NFIA: variants seen among roughly 807,000 people sequenced by gnomAD.
NFIA encodes the protein nuclear factor I A, also known as nuclear factor 1 A-type.
In NFIA, 8 loss-of-function variants were observed where a neutral mutation model predicts 62.8. The observed-to-expected ratio is 0.13, with a 90% confidence interval of 0.07 to 0.23. NFIA has a LOEUF of 0.23. NFIA is among the 10% of genes least tolerant of loss of function. The pLI is 1.00. For synonymous variants in NFIA, 235 were observed against 238.1 expected, an observed-to-expected ratio of 0.99 and a Z score of 0.12; for missense variants, 410 against 642.1, an observed-to-expected ratio of 0.64 and a Z score of 3.91.
intron 10 of NFIA, among the ~76,000 whole-genome samples, chr1:61,442,088 C>T (rs1406505589): frequency 1.3e-5 from 2 of 152,150 alleles, no homozygotes; most frequent in African/African-American, 4.8e-5. Flanking sequence ...CCCTCGCACC[C>T]CTTCCTGGCT....
At chr1:61,388,878 G>T (rs1427584110) in intron 7 of NFIA, among the ~76,000 whole-genome samples, 1 of 152,152 alleles carries the variant, frequency 6.6e-6, no homozygotes, top group Admixed American at 6.5e-5. Context: ...ACTTCAGGAG[G>T]CTGAGGCAGG....
intron 2 of NFIA, among the ~76,000 whole-genome samples, chr1:61,175,356 G>A (rs986764263): frequency 6.6e-6 from 1 of 152,080 alleles, no homozygotes; most frequent in African/African-American, 2.4e-5. Flanking sequence ...TGGCCAGGCT[G>A]AGCTCAAACT....
At chr1:61,412,332 A>C (rs1666139675) in intron 9 of NFIA, among the ~76,000 whole-genome samples, 1 of 152,200 alleles carries the variant, frequency 6.6e-6, no homozygotes, top group Non-Finnish European at 1.5e-5. Flanking sequence ...AACTAAAACA[A>C]GCAGGGTTGA....
In NFIA at chr1:61,363,536, G is replaced by T. The variant is rs139457642; in HGVS notation, c.946+4262G>T. Among the ~76,000 whole-genome samples the T allele has an allele frequency of 1.0e-3, 153 of 151,684 alleles. 2 individuals are homozygous for T. The East Asian group carries it at 0.026, about 26-fold the overall frequency. ...GGAGAATTGGTTGAACCTGGGAGGTGGAGGTTGCAGTGAACCGAGATCGTG... is the reference window on the plus strand; with the variant it reads ...GGAGAATTGGTTGAACCTGGGAGGTTGAGGTTGCAGTGAACCGAGATCGTG... On this transcript the variant is annotated intron_variant, in intron 6 of 10. Transcript: ENST00000403491.
chr1:61,192,416 A>G (rs1570351817), intron 2 of NFIA, among the ~76,000 whole-genome samples: 1 of 152,116 alleles, frequency 6.6e-6, no homozygotes, highest in South Asian at 2.1e-4. Flanking sequence ...ATGTCAAAAT[A>G]CCTTGCCAGG....
At chr1:61,314,288 C>T (rs1242800298) in intron 3 of NFIA, among the ~76,000 whole-genome samples, 1 of 152,154 alleles carries the variant, frequency 6.6e-6, no homozygotes, top group Non-Finnish European at 1.5e-5. Flanking sequence ...CCTCTGTTGG[C>T]CTGCCTCCCC....
chr1:61,131,119 G>A, intron 2 of NFIA, among the ~76,000 whole-genome samples: 1 of 150,104 alleles, frequency 6.7e-6, no homozygotes, highest in Admixed American at 6.6e-5. Flanking sequence ...AAATGTGCTT[G>A]ACTGTGGTAA....
chr1:61,204,666 C>T (rs138322679), intron 2 of NFIA, among the ~76,000 whole-genome samples: 50 of 151,916 alleles, frequency 3.3e-4, no homozygotes, highest in Non-Finnish European at 6.3e-4. Flanking sequence ...CACCTTCTGC[C>T]CCCCCCACCC....
intron 4 of NFIA, among the ~76,000 whole-genome samples, chr1:61,336,868 T>TA (rs1191704190): frequency 3.3e-5 from 5 of 152,216 alleles, no homozygotes; most frequent in Admixed American, 1.3e-4. Context: ...GGCTGAAAAT[T>TA]TCACAGTCAT....
intron 4 of NFIA, among the ~76,000 whole-genome samples, chr1:61,344,756 G>A (rs569987285): frequency 1.3e-5 from 2 of 152,214 alleles, no homozygotes; most frequent in East Asian, 3.8e-4. Flanking sequence ...TAGTCATTTC[G>A]TTAATGCTCC....
chr1:61,131,331 G>A (rs1198800808), intron 2 of NFIA, among the ~76,000 whole-genome samples: 2 of 152,220 alleles, frequency 1.3e-5, no homozygotes, highest in East Asian at 3.9e-4. Flanking sequence ...TAAAAACAGT[G>A]TCTAGATCTG....
chr1:61,277,524 A>G lies in NFIA; in HGVS notation c.564A>G (p.Ser188=). The change falls in exon 3 of 11, where the codon TCA becomes TCG. Residue 188 remains serine, a synonymous_variant. Transcript: ENST00000403491. The stretch of plus-strand genomic sequence containing the variant: ...CTGTATTTTTATGTTTTTCAGATTC[A>G]AGTCAATCTGAAAGTCCCAGCCAGC... ...YLAYFVHAAD[S]SQSESPSQPS... is the part of the protein sequence containing the mutation. 6.2e-7 allele frequency: 1 copy of G among 1,613,644 alleles called. No homozygotes were observed. The highest frequency in any genetic ancestry group is 8.5e-7 in the Non-Finnish European group (1 of 1,179,732).
chr1:61,395,497 T>TA (rs1665223482), intron 7 of NFIA, among the ~76,000 whole-genome samples: 1 of 152,182 alleles, frequency 6.6e-6, no homozygotes, highest in African/African-American at 2.4e-5. Flanking sequence ...CTATGGTGGT[T>TA]AGTTTTCTTC....
intron 9 of NFIA, among the ~76,000 whole-genome samples, chr1:61,407,262 T>C (rs1240302219): frequency 6.6e-6 from 1 of 152,096 alleles, no homozygotes; most frequent in Non-Finnish European, 1.5e-5. Flanking sequence ...GCCCTGGCAG[T>C]CGCATGGTGA....
At chr1:61,219,586 C>T (rs1233136051) in intron 2 of NFIA, among the ~76,000 whole-genome samples, 2 of 151,768 alleles carry the variant, frequency 1.3e-5, no homozygotes, top group East Asian at 3.9e-4. Context: ...TGGTGGCGGG[C>T]GCCTGTAATC....
At chr1:61,368,142 C>T (rs936790205) in intron 6 of NFIA, among the ~76,000 whole-genome samples, 1 of 152,098 alleles carries the variant, frequency 6.6e-6, no homozygotes, top group Non-Finnish European at 1.5e-5. Flanking sequence ...ATAAATTACC[C>T]AAATCTCCAA....
intron 2 of NFIA, among the ~76,000 whole-genome samples, chr1:61,106,388 G>A (rs1395498905): frequency 6.6e-6 from 1 of 151,792 alleles, no homozygotes; most frequent in Non-Finnish European, 1.5e-5. Context: ...CCATGCTGGA[G>A]TTACCTCCTC....
rs577543869 is a variant in NFIA, at chr1:61,460,263, C to T, written c.*4943C>T. ...GTCTAATTAGCGTCGTGTATGTTTT[C>T]CTTTTATTTTTTCCAATAAAAAAGC... On this transcript the variant is annotated 3_prime_UTR_variant, in exon 11 of 11. Transcript: ENST00000403491. 1 of 151,770 alleles carries T rather than the reference C, an allele frequency of 6.6e-6. No individual in the cohort carries two copies. Among genetic ancestry groups the T allele is most frequent in the Non-Finnish European group, 1.5e-5 (1 of 67,912 alleles). 9.4% of individuals were successfully genotyped at this position (151,770 alleles called of 1,614,324 possible). A position where few individuals can be genotyped will look rare whatever the true frequency, so the allele number is the denominator to read the frequency against.
chr1:61,436,594 T>G (rs1667339774), intron 10 of NFIA, among the ~76,000 whole-genome samples: 1 of 152,202 alleles, frequency 6.6e-6, no homozygotes, highest in Non-Finnish European at 1.5e-5. Flanking sequence ...CTGTCTAATG[T>G]GAGATCCATC....
Sources: allele counts gnomAD v4.1 joint callset (sites outside exome capture counted in the v4.1 genomes callset), GRCh38; gene constraint gnomAD v4.1.1; transcripts MANE v1.5; gene names NCBI Gene and HGNC (gene_info 2026-07-23, HGNC 2026-07-21).